VPS53: variants seen among roughly 807,000 people sequenced by gnomAD.
The protein encoded by VPS53 is VPS53 subunit of GARP complex, also known as vacuolar protein sorting-associated protein 53 homolog.
VPS53 carries 70 observed loss-of-function variants against 107.0 expected under a neutral mutation model. The observed-to-expected ratio is 0.65, with a 90% confidence interval of 0.54 to 0.80. VPS53 has a LOEUF of 0.80. Ranked by LOEUF, VPS53 falls within the 30% of genes least tolerant of loss-of-function variation. The pLI is 0.00. For synonymous variants in VPS53, 409 were observed against 393.3 expected, an observed-to-expected ratio of 1.04 and a Z score of -0.47; for missense variants, 917 against 1,049.4, an observed-to-expected ratio of 0.87 and a Z score of 1.74.
intron 8 of VPS53, among the ~76,000 whole-genome samples, chr17:630,333 G>C (rs933574841): frequency 6.6e-6 from 1 of 151,798 alleles, no homozygotes; most frequent in Non-Finnish European, 1.5e-5. Context: ...ACCTGAAACG[G>C]GCAGCTGAGT....
chr17:704,111 A>C (rs1973314020), intron 2 of VPS53, among the ~76,000 whole-genome samples: 1 of 152,180 alleles, frequency 6.6e-6, no homozygotes, highest in African/African-American at 2.4e-5. Context: ...TTAGTTTTCC[A>C]TAAATTTCAT....
chr17:553,498 T>C, intron 15 of VPS53, 36 bp from the exon 16 acceptor site: 1 of 1,485,580 alleles, frequency 6.7e-7, no homozygotes, highest in Non-Finnish European at 9.4e-7. Flanking sequence ...GCACGGTTAA[T>C]GATTATCCAA....
At chr17:534,845 G>C (rs1281116343) in intron 18 of VPS53, among the ~76,000 whole-genome samples, 1 of 151,700 alleles carries the variant, frequency 6.6e-6, no homozygotes, top group African/African-American at 2.4e-5. Flanking sequence ...CTAAGCCCAG[G>C]AGATGGGGGC....
intron 13 of VPS53, among the ~76,000 whole-genome samples, chr17:575,473 G>A (rs1453843946): frequency 2.0e-5 from 3 of 150,866 alleles, no homozygotes; most frequent in Non-Finnish European, 3.0e-5. Context: ...AACCTAACGC[G>A]TTCCCAGAGA....
At chr17:560,369 C>T (rs1912825157) in intron 15 of VPS53, 57 bp downstream of exon 15, 34 of 1,565,632 alleles carry the variant, frequency 2.2e-5, no homozygotes, top group Middle Eastern at 2.4e-4. Context: ...CGCCGAGCGA[C>T]GCAGCCCAGA....
chr17:672,801 T>C (rs997252069), intron 4 of VPS53, among the ~76,000 whole-genome samples: 14 of 152,096 alleles, frequency 9.2e-5, no homozygotes, highest in African/African-American at 2.9e-4. Flanking sequence ...CACAAAATGA[T>C]ACAAAGAGCG....
At chr17:567,761 T>C (rs571692583) in intron 13 of VPS53, among the ~76,000 whole-genome samples, 128 of 152,040 alleles carry the variant, frequency 8.4e-4, no homozygotes, top group Non-Finnish European at 1.7e-3. Context: ...TGGTGGTGTG[T>C]GCTTGTAGTT....
chr17:520,179 T>A lies in VPS53; in HGVS notation c.2224-249A>T, dbSNP rs1371191935. 6.6e-6 allele frequency among the ~76,000 whole-genome samples: 1 copy of A among 152,140 alleles called. No individual in the cohort carries two copies. The highest frequency in any genetic ancestry group is 2.4e-5 in the African/African-American group (1 of 41,432). Reference sequence around the variant, plus strand: ...ATCTTCACATGCCACTACAGCAATGTCCTAAATTTGCTGAATCCTAAATAC... The same window carrying A: ...ATCTTCACATGCCACTACAGCAATGACCTAAATTTGCTGAATCCTAAATAC... On this transcript the variant is annotated intron_variant, in intron 20 of 21. Coordinates refer to ENST00000437048, the MANE Select transcript of VPS53 (RefSeq NM_001128159.3). The surrounding 1 kb of genome is among the most constrained non-coding windows in gnomAD (Gnocchi z 4.4).
At chr17:548,149 C>T (rs8072388) in intron 17 of VPS53, among the ~76,000 whole-genome samples, 44,157 of 152,080 alleles carry the variant, frequency 0.29, 8,360 homozygotes, top group African/African-American at 0.54. Flanking sequence ...GCACATACTC[C>T]GGAGTGAGCG....
At chr17:704,566 A>G (rs1973329522) in intron 2 of VPS53, among the ~76,000 whole-genome samples, 1 of 152,230 alleles carries the variant, frequency 6.6e-6, no homozygotes, top group African/African-American at 2.4e-5. Context: ...TAAGATCCAC[A>G]GGAATCTGGC....
At chr17:629,654 T>G (rs561380807) in intron 8 of VPS53, among the ~76,000 whole-genome samples, 34 of 151,630 alleles carry the variant, frequency 2.2e-4, no homozygotes, top group Admixed American at 7.2e-4. Flanking sequence ...TCCTAGCTAC[T>G]CAGGAGGCTG....
chr17:597,646 G>A (rs1384365416), intron 12 of VPS53, among the ~76,000 whole-genome samples: 2 of 152,018 alleles, frequency 1.3e-5, no homozygotes, highest in Non-Finnish European at 2.9e-5. Flanking sequence ...AAGTTCACAC[G>A]ATTCTCCTGC....
At chr17:656,032 G>A (rs1971175712) in intron 5 of VPS53, 79 bp from the exon 6 acceptor site, 1 of 1,113,224 alleles carries the variant, frequency 9.0e-7, no homozygotes, top group Non-Finnish European at 1.3e-6. Context: ...AGCTCTGTAA[G>A]AAACGAATGC....
chr17:623,757 T>C (rs1460616106), intron 10 of VPS53, 83 bp from the exon 11 acceptor site: 3 of 1,409,272 alleles, frequency 2.1e-6, no homozygotes, highest in Non-Finnish European at 2.8e-6. Context: ...TTAGCTTATA[T>C]TCAGAAAAAA....
intron 12 of VPS53, among the ~76,000 whole-genome samples, chr17:591,967 G>T (rs1326588233): frequency 1.3e-5 from 2 of 152,096 alleles, no homozygotes; most frequent in African/African-American, 2.4e-5. Flanking sequence ...CTGTCTCATT[G>T]ATCTGTCTAA....
At chr17:645,697 G>A (rs1970657732) in intron 7 of VPS53, among the ~76,000 whole-genome samples, 3 of 152,202 alleles carry the variant, frequency 2.0e-5, no homozygotes, top group Admixed American at 2.0e-4. Flanking sequence ...GCTGGTTTCT[G>A]CCAAATAAAA....
chr17:665,832 C>T (rs572293087), intron 4 of VPS53, among the ~76,000 whole-genome samples: 12 of 152,126 alleles, frequency 7.9e-5, no homozygotes, highest in African/African-American at 2.4e-4. Context: ...GGTGAAACCC[C>T]GTCTCTACTA....
intron 11 of VPS53, among the ~76,000 whole-genome samples, chr17:610,807 G>T: frequency 6.6e-6 from 1 of 151,006 alleles, no homozygotes; most frequent in African/African-American, 2.4e-5. Context: ...GCATGGTGCT[G>T]CGCTCCTGTG....
At chr17:629,687 C>T (rs1479269675) in intron 8 of VPS53, among the ~76,000 whole-genome samples, 10 of 151,264 alleles carry the variant, frequency 6.6e-5, no homozygotes, top group Non-Finnish European at 1.5e-4. Flanking sequence ...GGCATGAACT[C>T]GGAAGGTGGA....
Sources: gnomAD v4.1 joint callset for allele counts (sites outside exome capture counted in the v4.1 genomes callset) on GRCh38, gnomAD v4.1.1 for gene constraint, Gnocchi (gnomAD v3.1) non-coding constraint, MANE v1.5 for transcripts, NCBI Gene and HGNC (gene_info 2026-07-23, HGNC 2026-07-21) for gene names.